BRF1: variants seen among roughly 807,000 people sequenced by gnomAD.
BRF1 encodes transcription factor IIIB 90 kDa subunit.
A neutral mutation model predicts 81.7 loss-of-function variants in BRF1; 59 were observed. The ratio of observed to expected loss-of-function variants is 0.72; its 90% CI spans 0.59 to 0.90. The LOEUF is 0.90. Ranked by LOEUF, BRF1 falls within the 40% of genes least tolerant of loss-of-function variation. BRF1 has a pLI of 0.00. For missense variants in BRF1, 1,050 were observed against 936.3 expected (o/e 1.12, Z -1.58); for synonymous variants, 491 against 395.6 (o/e 1.24, Z -2.86).
intron 5 of BRF1, chr14:105,249,116 GCGCGCGCCCA>G: frequency 1.3e-6 from 2 of 1,506,350 alleles, no homozygotes; most frequent in Non-Finnish European, 1.8e-6. Flanking sequence ...CCCCGCGCCC[GCGCGCGCCCA>G]CGCCCCCAGC....
At position 105,249,947 on chromosome 14, in the gene BRF1, G is replaced by A. The variant is rs779614838; in HGVS notation, c.544+2560C>T. 2.0e-5 allele frequency: 32 copies of A among 1,611,900 alleles called. No homozygotes were observed. Among genetic ancestry groups the A allele is most frequent in the Non-Finnish European group, 2.7e-5 (32 of 1,180,026 alleles). On this transcript the variant is annotated intron_variant, in intron 5 of 17. Coordinates refer to ENST00000547530, the MANE Select transcript of BRF1 (RefSeq NM_001519.4). ...CACTCGGGAGGCCCTCAACACCAAA[G>A]AGGCGGTGGTCTTCGAGGCCGTCCT...
chr14:105,291,630 C>T (rs2057515379), intron 1 of BRF1, among the ~76,000 whole-genome samples: 1 of 151,412 alleles, frequency 6.6e-6, no homozygotes, highest in African/African-American at 2.4e-5. Context: ...TGCAGTGAGC[C>T]AAGACTCTGT....
At chr14:105,256,114 G>A in intron 4 of BRF1, 1 of 1,262,342 alleles carries the variant, frequency 7.9e-7, no homozygotes. Context: ...GACAGAGCGA[G>A]ACTCCATCTC....
intron 5 of BRF1, chr14:105,241,786 G>C (rs952956487): frequency 1.1e-5 from 3 of 263,030 alleles, no homozygotes; most frequent in Non-Finnish European, 2.3e-5. Flanking sequence ...AGCAAGACAG[G>C]CGTGGGCTGG....
intron 5 of BRF1, among the ~76,000 whole-genome samples, chr14:105,244,781 T>C (rs775214281): frequency 6.6e-6 from 1 of 152,140 alleles, no homozygotes; most frequent in Non-Finnish European, 1.5e-5. Context: ...CACATCACCA[T>C]AGACTCAATC....
chr14:105,306,539 G>C (rs896729937), intron 1 of BRF1, among the ~76,000 whole-genome samples: 5 of 151,866 alleles, frequency 3.3e-5, no homozygotes, highest in Admixed American at 3.3e-4. Context: ...TCCTGACCTC[G>C]TGATCTGCCC....
intron 4 of BRF1, chr14:105,256,266 CA>C: frequency 6.5e-7 from 1 of 1,544,746 alleles, no homozygotes; most frequent in South Asian, 1.2e-5. Context: ...GCCTAGCTAA[CA>C]CCCAACCGTG....
At chr14:105,298,854 C>CA (rs1202505629) in intron 1 of BRF1, among the ~76,000 whole-genome samples, 1,267 of 124,562 alleles carry the variant, frequency 0.01, 15 homozygotes, top group African/African-American at 0.029. Context: ...GATTCTGTCT[C>CA]AAAAAAAAAA....
chr14:105,261,437 A>T (rs2056146774), intron 3 of BRF1, among the ~76,000 whole-genome samples: 1 of 152,170 alleles, frequency 6.6e-6, no homozygotes, highest in Non-Finnish European at 1.5e-5. Flanking sequence ...ACAGCTGTGG[A>T]CAACACAGCG....
intron 11 of BRF1, among the ~76,000 whole-genome samples, chr14:105,220,464 G>A (rs1262331368): frequency 6.6e-6 from 1 of 152,222 alleles, no homozygotes; most frequent in African/African-American, 2.4e-5. Context: ...CACGGAAGCT[G>A]GGCAGGAAGG....
Position 105,265,045 on chromosome 14 carries a change from C to CTTTTTTT in BRF1, c.439+7669_439+7675dup, listed in dbSNP as rs587772604. On this transcript the variant is annotated intron_variant, in intron 3 of 17. Transcript: ENST00000547530. ...CATCAAGTCATAAGTTCTACTTATC[C>CTTTTTTT]TTTTTTTTGTTTTTTTTTTGTTTGT... Among the ~76,000 whole-genome samples, 21 of 135,260 alleles carry CTTTTTTT rather than the reference C, an allele frequency of 1.6e-4. 1 individual carries two copies. The highest frequency in any genetic ancestry group is 2.4e-4 in the African/African-American group (9 of 36,902). 88.7% of individuals were successfully genotyped at this position (135,260 alleles called of 152,430 possible). A position where few individuals can be genotyped will look rare whatever the true frequency, so the allele number is the denominator to read the frequency against.
chr14:105,256,408 G>A (rs745605070), intron 4 of BRF1, 110 bp downstream of exon 4: 61 of 1,611,576 alleles, frequency 3.8e-5, no homozygotes, highest in Admixed American at 1.7e-4. Context: ...AGCACAGACC[G>A]GCCACTGAGA....
chr14:105,293,740 C>T (rs370079002), intron 1 of BRF1, among the ~76,000 whole-genome samples: 54 of 152,286 alleles, frequency 3.5e-4, no homozygotes, highest in Non-Finnish European at 2.9e-4. Context: ...TCGGGTGCCC[C>T]GGGACGCTGG....
intron 5 of BRF1, chr14:105,248,093 T>A: frequency 3.0e-6 from 3 of 985,396 alleles, no homozygotes; most frequent in Non-Finnish European, 3.6e-6. Context: ...GCCTATTTCC[T>A]CGAGGAAAAT....
intron 5 of BRF1, chr14:105,248,212 C>A (rs994451003): frequency 1.0e-6 from 1 of 985,422 alleles, no homozygotes; most frequent in African/African-American, 1.7e-5. Context: ...CGCGAAGCAT[C>A]TGAACGAACG....
chr14:105,268,296 C>T, intron 3 of BRF1, among the ~76,000 whole-genome samples: 1 of 152,276 alleles, frequency 6.6e-6, no homozygotes. Flanking sequence ...TGAGTCTCTG[C>T]CCGGCATGTC....
At chr14:105,287,378 C>G (rs1401184628) in intron 1 of BRF1, among the ~76,000 whole-genome samples, 1 of 152,184 alleles carries the variant, frequency 6.6e-6, no homozygotes, top group Non-Finnish European at 1.5e-5. Flanking sequence ...GGTGAGGCCC[C>G]AGGCATGCCC....
At chr14:105,295,114 G>A (rs2057679297) in intron 1 of BRF1, among the ~76,000 whole-genome samples, 1 of 151,882 alleles carries the variant, frequency 6.6e-6, no homozygotes, top group South Asian at 2.1e-4. Context: ...CCAAGACAAG[G>A]ACGTTACAGG....
intron 5 of BRF1, among the ~76,000 whole-genome samples, chr14:105,251,742 G>A (rs2055626066): frequency 6.6e-6 from 1 of 151,988 alleles, no homozygotes; most frequent in Admixed American, 6.6e-5. Flanking sequence ...GGGCCTCTAA[G>A]CGGGCCATGG....
Sources: allele counts gnomAD v4.1 joint callset (sites outside exome capture counted in the v4.1 genomes callset), GRCh38; gene constraint gnomAD v4.1.1; transcripts MANE v1.5; gene names NCBI Gene and HGNC (gene_info 2026-07-23, HGNC 2026-07-21).